The following POC1B variants were observed in gnomAD, a reference collection of about 807,000 sequenced individuals.
The protein encoded by POC1B is POC1 centriolar protein homolog B.
In POC1B, 44 loss-of-function variants were observed where a neutral mutation model predicts 60.6. The observed-to-expected ratio is 0.73, with a 90% CI of 0.57 to 0.93. The LOEUF (loss-of-function observed/expected upper bound fraction) is 0.93. POC1B is among the 40% of genes least tolerant of loss of function. The pLI, the probability that POC1B is intolerant of heterozygous loss-of-function variation, is 0.00. For synonymous variants in POC1B, 180 were observed against 198.9 expected, an observed-to-expected ratio of 0.90 and a Z score of 0.80; for missense variants, 555 against 572.3, an observed-to-expected ratio of 0.97 and a Z score of 0.31.
intron 2 of POC1B, chr12:89,520,790 A>G (rs1431273882): frequency 6.6e-6 from 1 of 152,234 alleles, no homozygotes; most frequent in Non-Finnish European, 1.5e-5. Flanking sequence ...TGGACTCTTT[A>G]CGAGGCATGC....
rs886992691 is a variant in POC1B, at chr12:89,497,080, G to T, written c.272+91C>A. On this transcript the variant is annotated intron_variant, in intron 3 of 11. Coordinates refer to ENST00000313546, the MANE Select transcript of POC1B (RefSeq NM_172240.3). The stretch of plus-strand genomic sequence containing the variant: ...CTTTTATGTGACTGAGAATAACAGT[G>T]CAGGCAGCAGTGCATGAGCAGCAGC... 11 of 1,293,770 alleles carry T rather than the reference G, an allele frequency of 8.5e-6. No individual in the cohort carries two copies. In the Middle Eastern group the frequency reaches 1.4e-3, roughly 163 times the overall value. The allele number at this position is 1,293,770 out of a possible 1,614,324, so 80.1% of individuals were successfully genotyped here.
chr12:89,499,065 G>A lies in POC1B; in HGVS notation c.101-1723C>T, dbSNP rs542030387. Among the ~76,000 whole-genome samples the A allele has an allele frequency of 3.9e-5, 6 of 152,200 alleles. No homozygotes were observed. The South Asian group carries it at 1.0e-3, about 26-fold the overall frequency. On this transcript the variant is annotated intron_variant, in intron 2 of 11. Transcript: ENST00000313546. ...GTACTCTGAGCACAGGAATCCCTGTGCAAAAGCACCTGGAAGAATGAGGAA... is the reference window on the plus strand; with the variant it reads ...GTACTCTGAGCACAGGAATCCCTGTACAAAAGCACCTGGAAGAATGAGGAA...
At chr12:89,412,632 G>A in the POC1B span, among the ~76,000 whole-genome samples, 3 of 150,490 alleles carry the variant, frequency 2.0e-5, no homozygotes, top group South Asian at 2.1e-4. Flanking sequence ...AGCCGAGATC[G>A]CACCAATGCA....
At chr12:89,401,881 G>A in the POC1B span, among the ~76,000 whole-genome samples, 1 of 152,242 alleles carries the variant, frequency 6.6e-6, no homozygotes, top group Admixed American at 6.5e-5. Flanking sequence ...TAATGTTGGA[G>A]CATTAGGTTG....
chr12:89,471,667 T>C lies in POC1B; in HGVS notation c.623A>G (p.Gln208Arg). The C allele has an allele frequency of 6.2e-7, 1 of 1,611,846 alleles. No homozygotes were observed. The highest frequency in any genetic ancestry group is 8.5e-7 in the Non-Finnish European group (1 of 1,178,978). ...TCTTACATCCCAGACTTTCACAGTT[T>C]GATCAGAACCTGCTGAAGCTATGCA... ...GTCIASAGSDQTVKVWDVRVN... is the reference protein window; with the variant it reads ...GTCIASAGSDRTVKVWDVRVN... The change falls in exon 6 of 12, where the codon CAA becomes CGA. Residue 208 changes from glutamine (Q) to arginine (R), a missense_variant. Coordinates refer to ENST00000313546, the MANE Select transcript of POC1B (RefSeq NM_172240.3).
intron 10 of POC1B, among the ~76,000 whole-genome samples, chr12:89,449,510 G>A (rs566474589): frequency 1.3e-5 from 2 of 151,898 alleles, no homozygotes; most frequent in African/African-American, 2.4e-5. Context: ...ATAAATAAAT[G>A]AAAGAAAAAA....
At chr12:89,417,448 C>G (rs980564632), downstream of POC1B, among the ~76,000 whole-genome samples, 1 of 152,208 alleles carries the variant, frequency 6.6e-6, no homozygotes, top group African/African-American at 2.4e-5. Flanking sequence ...TTCAGGGGAG[C>G]CCAAACGGCT....
At position 89,420,016 on chromosome 12, in the gene POC1B, A is replaced by G. The variant is rs941917265; in HGVS notation, c.*1137T>C. 2 of 152,228 alleles carry G rather than the reference A, an allele frequency of 1.3e-5. No individual in the cohort carries two copies. The highest frequency in any genetic ancestry group is 2.4e-5 in the African/African-American group (1 of 41,466). 9.4% of individuals were successfully genotyped at this position (152,228 alleles called of 1,614,324 possible). A position where few individuals can be genotyped will look rare whatever the true frequency, so the allele number is the denominator to read the frequency against. On this transcript the variant is annotated 3_prime_UTR_variant, in exon 12 of 12. Coordinates refer to ENST00000313546, the MANE Select transcript of POC1B (RefSeq NM_172240.3). ...CACTATTTCTTCTTTTCCAAAACAC[A>G]GAATAGCATTTTCCCCATGTTACCT...
At chr12:89,445,369 A>G (rs1881733541) in intron 10 of POC1B, among the ~76,000 whole-genome samples, 1 of 152,214 alleles carries the variant, frequency 6.6e-6, no homozygotes, top group East Asian at 1.9e-4. Flanking sequence ...CTACAAGGGT[A>G]CAGGAACCAA....
intron 10 of POC1B, among the ~76,000 whole-genome samples, chr12:89,445,968 GA>G (rs1270340376): frequency 3.9e-5 from 6 of 152,170 alleles, no homozygotes; most frequent in Admixed American, 3.9e-4. Flanking sequence ...CTTCTCAAAA[GA>G]AGACATTTAT....
chr12:89,523,739 C>T (rs1480248043), intron 2 of POC1B: 12 of 1,547,548 alleles, frequency 7.8e-6, no homozygotes, highest in Non-Finnish European at 1.0e-5. Context: ...ATGGGCTCCC[C>T]TATCTGCATA....
chr12:89,462,090 C>G (rs532763725), intron 9 of POC1B, among the ~76,000 whole-genome samples: 1 of 152,100 alleles, frequency 6.6e-6, no homozygotes, highest in East Asian at 1.9e-4. Context: ...CCTTGACCTA[C>G]AAGTTGGGAA....
intron 3 of POC1B, 26 bp downstream of exon 3, chr12:89,497,144 TA>T (rs768753711): frequency 1.9e-6 from 3 of 1,605,570 alleles, no homozygotes; most frequent in Non-Finnish European, 2.6e-6. Flanking sequence ...ATCCAAAGGA[TA>T]TCAAGTGTTT....
intron 5 of POC1B, 35 bp from the exon 6 acceptor site, chr12:89,471,764 A>AT (rs754971432): frequency 4.9e-5 from 54 of 1,097,240 alleles, no homozygotes; most frequent in South Asian, 2.4e-4. Context: ...TAATATTTCA[A>AT]TTTCTTTTTT....
chr12:89,509,214 T>C (rs181949868), intron 2 of POC1B, among the ~76,000 whole-genome samples: 2 of 152,228 alleles, frequency 1.3e-5, no homozygotes, highest in Admixed American at 6.5e-5. Flanking sequence ...TTTTTATCAG[T>C]GTGAATGCAT....
At chr12:89,501,323 C>T (rs1435838840) in intron 2 of POC1B, 1 of 991,032 alleles carries the variant, frequency 1.0e-6, no homozygotes, top group Non-Finnish European at 1.6e-6. Context: ...TCCAAGAATG[C>T]AGAAAAATCA....
chr12:89,497,108 G>A, intron 3 of POC1B, 63 bp downstream of exon 3: 1 of 1,522,084 alleles, frequency 6.6e-7, no homozygotes, highest in Non-Finnish European at 9.0e-7. Context: ...GCAGCAGCCA[G>A]GGTCAGCTTT....
intron 7 of POC1B, among the ~76,000 whole-genome samples, chr12:89,470,135 G>C (rs907706343): frequency 7.2e-5 from 11 of 152,106 alleles, no homozygotes; most frequent in Non-Finnish European, 1.3e-4. Context: ...GCCTCCCAAA[G>C]TGTTGGGATT....
At position 89,459,696 on chromosome 12, in the gene POC1B, AT is replaced by A. The variant is rs1206827096; in HGVS notation, c.1054del (p.Ile352SerfsTer41). On this transcript the variant is annotated frameshift_variant, in exon 10 of 12. Coordinates refer to ENST00000313546, the MANE Select transcript of POC1B (RefSeq NM_172240.3). LOFTEE classifies it high-confidence loss of function. ...TVEINPKLEV[I>X]DLQISTPPVM... ...AGGGGGAGTAGAGATCTGCAAATCGATTACCTCAAGCTTTGGATTAATCTGT... is the reference window on the plus strand; with the variant it reads ...AGGGGGAGTAGAGATCTGCAAATCGATACCTCAAGCTTTGGATTAATCTGT... 7 of 1,546,260 alleles carry A rather than the reference AT, an allele frequency of 4.5e-6. No individual in the cohort carries two copies. The African/African-American group carries it at 7.0e-5, about 15-fold the overall frequency.
Sources: gnomAD v4.1 joint callset for allele counts (sites outside exome capture counted in the v4.1 genomes callset) on GRCh38, gnomAD v4.1.1 for gene constraint, MANE v1.5 for transcripts, NCBI Gene and HGNC (gene_info 2026-07-23, HGNC 2026-07-21) for gene names.